The following DLG2 variants were observed in gnomAD, a reference collection of about 807,000 sequenced individuals.
DLG2 encodes the protein disks large homolog 2.
In DLG2, 45 loss-of-function variants were observed where a neutral mutation model predicts 132.5. The observed-to-expected ratio is 0.34, with a 90% CI of 0.27 to 0.44. The LOEUF (loss-of-function observed/expected upper bound fraction) is 0.44. DLG2 is among the 20% of genes least tolerant of loss of function. The pLI is 1.00. For synonymous variants in DLG2, 424 were observed against 419.6 expected (o/e 1.01, Z -0.13); for missense variants, 1,045 against 1,196.9 (o/e 0.87, Z 1.87).
chr11:84,581,966 AT>A (rs1359204499), intron 6 of DLG2, among the ~76,000 whole-genome samples: 7 of 151,858 alleles, frequency 4.6e-5, no homozygotes, highest in African/African-American at 1.2e-4. Flanking sequence ...TGTTTTAAAA[AT>A]ATCAACATTG....
chr11:85,442,756 C>A (rs1281901326), intron 3 of DLG2, among the ~76,000 whole-genome samples: 2 of 151,804 alleles, frequency 1.3e-5, no homozygotes, highest in Non-Finnish European at 2.9e-5. Context: ...GTGGCATGTA[C>A]CTGTAGTCCC....
intron 25 of DLG2, among the ~76,000 whole-genome samples, chr11:83,467,785 A>ATG: frequency 1.0e-5 from 1 of 96,676 alleles, no homozygotes; most frequent in Non-Finnish European, 2.0e-5. Context: ...ATATATATAT[A>ATG]TATATATATA....
chr11:84,821,968 A>G (rs1366443454), intron 6 of DLG2, among the ~76,000 whole-genome samples: 1 of 149,780 alleles, frequency 6.7e-6, no homozygotes, highest in East Asian at 1.9e-4. Context: ...AAAATATCCT[A>G]TAAAAAATTC....
At chr11:84,836,522 T>C (rs886467340) in intron 6 of DLG2, among the ~76,000 whole-genome samples, 3 of 151,840 alleles carry the variant, frequency 2.0e-5, no homozygotes, top group African/African-American at 7.2e-5. Context: ...TGTCTTTTTA[T>C]TGGACTACTC....
chr11:84,540,086 C>T (rs1158330366), intron 6 of DLG2, among the ~76,000 whole-genome samples: 2 of 152,084 alleles, frequency 1.3e-5, no homozygotes. Context: ...ACCATAAAAA[C>T]CCTAGAAGAA....
rs186877407 is a variant in DLG2, at chr11:84,418,099, G to A, written c.519+116471C>T. On this transcript the variant is annotated intron_variant, in intron 7 of 27. Transcript: ENST00000376104. Reference sequence around the variant, plus strand: ...CTCTTTGACCATAACCATTTAGAGCGTAGTGATTGGTTCATATTTCAAAAG... The same window carrying A: ...CTCTTTGACCATAACCATTTAGAGCATAGTGATTGGTTCATATTTCAAAAG... Among the ~76,000 whole-genome samples, 15 of 152,214 alleles carry A rather than the reference G, an allele frequency of 9.9e-5. No individual in the cohort carries two copies. In the South Asian group the frequency reaches 1.0e-3, roughly 11 times the overall value.
intron 9 of DLG2, among the ~76,000 whole-genome samples, chr11:84,106,340 A>G (rs1172315469): frequency 6.6e-6 from 1 of 152,130 alleles, no homozygotes; most frequent in Non-Finnish European, 1.5e-5. Flanking sequence ...TTTCTGTCTC[A>G]TGTTACGATA....
intron 3 of DLG2, among the ~76,000 whole-genome samples, chr11:85,346,134 A>G (rs1016375641): frequency 5.3e-5 from 8 of 151,940 alleles, no homozygotes; most frequent in African/African-American, 1.9e-4. Flanking sequence ...CGATGCTTGT[A>G]TATATGAGAT....
At chr11:85,508,314 T>C (rs1215571908) in intron 3 of DLG2, among the ~76,000 whole-genome samples, 2 of 151,304 alleles carry the variant, frequency 1.3e-5, no homozygotes, top group Non-Finnish European at 3.0e-5. Flanking sequence ...ACATGCTTGA[T>C]GTTTCTCCAA....
At chr11:84,341,412 T>C (rs2098514033) in intron 7 of DLG2, among the ~76,000 whole-genome samples, 1 of 152,146 alleles carries the variant, frequency 6.6e-6, no homozygotes, top group African/African-American at 2.4e-5. Flanking sequence ...GGCATGCCTA[T>C]TTTTGTTGGC....
chr11:84,139,116 T>A (rs1167086295), intron 9 of DLG2, among the ~76,000 whole-genome samples: 1 of 152,190 alleles, frequency 6.6e-6, no homozygotes, highest in African/African-American at 2.4e-5. Flanking sequence ...AGTTGACATT[T>A]TATGATAGCT....
chr11:83,595,139 A>AC (rs71463173), intron 19 of DLG2, among the ~76,000 whole-genome samples: 33 of 150,680 alleles, frequency 2.2e-4, no homozygotes, highest in Non-Finnish European at 4.3e-4. Context: ...GGAAAAAAAA[A>AC]CCACTTCTTT....
intron 6 of DLG2, among the ~76,000 whole-genome samples, chr11:84,941,660 T>C (rs2049444610): frequency 6.6e-6 from 1 of 151,920 alleles, no homozygotes; most frequent in Admixed American, 6.6e-5. Context: ...ACATCAATAT[T>C]AATTAGAAAT....
At chr11:83,751,990 T>C (rs192340471) in intron 18 of DLG2, among the ~76,000 whole-genome samples, 4 of 152,306 alleles carry the variant, frequency 2.6e-5, no homozygotes, top group East Asian at 3.9e-4. Flanking sequence ...AGGACTTGCC[T>C]GGCTGCGGTG....
intron 6 of DLG2, among the ~76,000 whole-genome samples, chr11:84,915,264 C>T (rs550346508): frequency 2.8e-5 from 4 of 145,168 alleles, no homozygotes; most frequent in South Asian, 4.2e-4. Context: ...ATTGTATTTC[C>T]CCCCCCATTA....
At chr11:84,136,507 T>G (rs1008344006) in intron 9 of DLG2, among the ~76,000 whole-genome samples, 4 of 152,300 alleles carry the variant, frequency 2.6e-5, no homozygotes, top group Admixed American at 2.0e-4. Flanking sequence ...AAATGAGATA[T>G]GAGAATCTAT....
At chr11:83,741,964 GA>G (rs2092554657) in intron 18 of DLG2, among the ~76,000 whole-genome samples, 1 of 152,078 alleles carries the variant, frequency 6.6e-6, no homozygotes, top group Non-Finnish European at 1.5e-5. Context: ...ACTCTTCCCT[GA>G]AAACTCACAC....
intron 4 of DLG2, among the ~76,000 whole-genome samples, chr11:85,232,861 A>T (rs2075373258): frequency 6.6e-6 from 1 of 151,974 alleles, no homozygotes; most frequent in African/African-American, 2.4e-5. Context: ...TGGGGAATTT[A>T]ATTCATGGCA....
chr11:83,791,896 C>T (rs2041668132), intron 17 of DLG2, among the ~76,000 whole-genome samples: 1 of 152,196 alleles, frequency 6.6e-6, no homozygotes, highest in African/African-American at 2.4e-5. Context: ...TAAAGATTCA[C>T]TATATGCACA....
Sources: allele counts gnomAD v4.1 joint callset (sites outside exome capture counted in the v4.1 genomes callset), GRCh38; gene constraint gnomAD v4.1.1; transcripts MANE v1.5; gene names NCBI Gene and HGNC (gene_info 2026-07-23, HGNC 2026-07-21).